Variants in DGCR2 observed in about 807,000 individuals in gnomAD.
DGCR2 encodes the protein DiGeorge syndrome critical region gene 2.
A neutral mutation model predicts 51.6 loss-of-function variants in DGCR2; 24 were observed. That is an observed-to-expected ratio of 0.47 (90% CI 0.34 to 0.65). The LOEUF is 0.65. Ranked by LOEUF, DGCR2 falls within the 30% of genes least tolerant of loss-of-function variation. DGCR2 has a pLI of 0.01. For missense variants in DGCR2, 765 were observed against 772.1 expected (o/e 0.99, Z 0.11); for synonymous variants, 340 against 315.4 (o/e 1.08, Z -0.82).
At chr22:19,065,107 C>T (rs767798379) in intron 3 of DGCR2, 40 bp from the exon 4 acceptor site, 1 of 1,580,814 alleles carries the variant, frequency 6.3e-7, no homozygotes, top group South Asian at 1.1e-5. Context: ...AGTTAGGATC[C>T]AGCTCCAAAA....
chr22:19,066,121 T>C (rs1250519932), intron 3 of DGCR2, among the ~76,000 whole-genome samples: 4 of 152,160 alleles, frequency 2.6e-5, no homozygotes, highest in Admixed American at 2.6e-4. Context: ...ATCAGAGGGC[T>C]GGCAACAGTG....
At chr22:19,086,842 ATAAAACCTACTCC>A (rs1334400090) in intron 2 of DGCR2, among the ~76,000 whole-genome samples, 1 of 152,218 alleles carries the variant, frequency 6.6e-6, no homozygotes, top group Non-Finnish European at 1.5e-5. Flanking sequence ...GTCAAGAGAA[ATAAAACCTACTCC>A]TTGCCTTCAA....
Position 19,076,958 on chromosome 22 carries a change from C to T in DGCR2, c.203-8733G>A, listed in dbSNP as rs375677066. 4.0e-5 allele frequency among the ~76,000 whole-genome samples: 6 copies of T among 151,848 alleles called. No homozygotes were observed. In the East Asian group the frequency reaches 7.8e-4, roughly 20 times the overall value. On this transcript the variant is annotated intron_variant, in intron 2 of 9. Transcript: ENST00000263196. ...TGTTAGCCAGGATGGTCTCGATCTC[C>T]TGACCTTGTGATCCGCCGGCCTCCC...
chr22:19,102,463 GA>G (rs2083212710), intron 1 of DGCR2, among the ~76,000 whole-genome samples: 1 of 152,212 alleles, frequency 6.6e-6, no homozygotes, highest in African/African-American at 2.4e-5. Flanking sequence ...AGCACTTTGG[GA>G]GGCTGAGGTG....
At chr22:19,045,787 C>A (rs937744416) in intron 7 of DGCR2, among the ~76,000 whole-genome samples, 2 of 152,132 alleles carry the variant, frequency 1.3e-5, no homozygotes, top group African/African-American at 4.8e-5. Context: ...AGTACAGTGG[C>A]GTGATCTCAG....
At chr22:19,042,282 C>T (rs138079489) in intron 7 of DGCR2, among the ~76,000 whole-genome samples, 3 of 152,284 alleles carry the variant, frequency 2.0e-5, no homozygotes, top group African/African-American at 7.2e-5. Flanking sequence ...TAGGAGGCTG[C>T]GCTCATGTGC....
At chr22:19,105,280 T>C (rs1209068070) in intron 1 of DGCR2, among the ~76,000 whole-genome samples, 1 of 151,940 alleles carries the variant, frequency 6.6e-6, no homozygotes, top group Non-Finnish European at 1.5e-5. Context: ...GCCAAGATCA[T>C]ACAACTGCAC....
At chr22:19,060,799 C>A in intron 5 of DGCR2, 1 of 474,888 alleles carries the variant, frequency 2.1e-6, no homozygotes, top group Non-Finnish European at 4.2e-6. Flanking sequence ...GCGGGGCTCA[C>A]AGGCTGGTGT....
intron 1 of DGCR2, among the ~76,000 whole-genome samples, chr22:19,099,768 A>G (rs2083181369): frequency 6.7e-6 from 1 of 150,082 alleles, no homozygotes; most frequent in Non-Finnish European, 1.5e-5. Flanking sequence ...CAGGAGTTCA[A>G]GACCAGCCTG....
intron 6 of DGCR2, among the ~76,000 whole-genome samples, chr22:19,054,558 G>C (rs1052332599): frequency 1.3e-5 from 2 of 152,148 alleles, no homozygotes; most frequent in African/African-American, 2.4e-5. Flanking sequence ...TAAAATGTTT[G>C]CCAACTCATT....
chr22:19,073,783 C>T (rs994892147), intron 2 of DGCR2, among the ~76,000 whole-genome samples: 5 of 152,170 alleles, frequency 3.3e-5, no homozygotes, highest in Admixed American at 1.3e-4. Flanking sequence ...ACCTTTGTCT[C>T]CTATGTTCCT....
chr22:19,075,016 A>T (rs2082859275), intron 2 of DGCR2, among the ~76,000 whole-genome samples: 1 of 151,898 alleles, frequency 6.6e-6, no homozygotes, highest in African/African-American at 2.4e-5. Context: ...CATTTCTGGG[A>T]AATTTTCTTA....
chr22:19,104,649 C>G lies in DGCR2; in HGVS notation c.80-15159G>C. ...TCCACCAGAGCAGTCTGAGACCCAT[C>G]AGACACAGACTCCCACACCCGGGGT... On this transcript the variant is annotated intron_variant, in intron 1 of 9. Coordinates refer to ENST00000263196, the MANE Select transcript of DGCR2 (RefSeq NM_005137.3). Among the ~76,000 whole-genome samples the G allele has an allele frequency of 1.3e-5, 2 of 152,238 alleles. 1 individual carries two copies. Among genetic ancestry groups the G allele is most frequent in the East Asian group, 3.8e-4 (2 of 5,200 alleles).
chr22:19,116,931 C>T (rs2083379298), intron 1 of DGCR2, among the ~76,000 whole-genome samples: 1 of 151,758 alleles, frequency 6.6e-6, no homozygotes, highest in Admixed American at 6.6e-5. Context: ...GCCACTACTG[C>T]TAAGAGGAAA....
chr22:19,044,403 T>G (rs897464066), intron 7 of DGCR2, among the ~76,000 whole-genome samples: 4 of 152,238 alleles, frequency 2.6e-5, no homozygotes, highest in Admixed American at 2.6e-4. Context: ...CACCATTTCA[T>G]TGAGCTTGGT....
At chr22:19,079,371 G>C (rs2082912369) in intron 2 of DGCR2, among the ~76,000 whole-genome samples, 1 of 152,188 alleles carries the variant, frequency 6.6e-6, no homozygotes, top group Non-Finnish European at 1.5e-5. Flanking sequence ...TCTGTATTTT[G>C]AATGTGGCTT....
chr22:19,097,724 C>A (rs968632196), intron 1 of DGCR2, among the ~76,000 whole-genome samples: 2 of 152,168 alleles, frequency 1.3e-5, no homozygotes, highest in Non-Finnish European at 2.9e-5. Flanking sequence ...GCCCAAACAG[C>A]CTTCCTCTTT....
intron 2 of DGCR2, among the ~76,000 whole-genome samples, chr22:19,080,558 C>A (rs146028991): frequency 6.6e-6 from 1 of 152,162 alleles, no homozygotes; most frequent in African/African-American, 2.4e-5. Context: ...TCAACTCCTG[C>A]GGGGCACAGT....
At chr22:19,100,664 T>TAAA (rs34517547) in intron 1 of DGCR2, among the ~76,000 whole-genome samples, 8 of 144,780 alleles carry the variant, frequency 5.5e-5, no homozygotes, top group African/African-American at 1.8e-4. Flanking sequence ...AGACTCCGTT[T>TAAA]AAAAAAAAAA....
Sources: allele counts gnomAD v4.1 joint callset (sites outside exome capture counted in the v4.1 genomes callset), GRCh38; gene constraint gnomAD v4.1.1; transcripts MANE v1.5; gene names NCBI Gene and HGNC (gene_info 2026-07-23, HGNC 2026-07-21).